Variants in ALOXE3 observed in about 807,000 individuals in gnomAD.
ALOXE3 encodes hydroperoxide isomerase ALOXE3.
Under a neutral mutation model 87.5 loss-of-function variants are expected in ALOXE3, and 78 were observed. The observed-to-expected ratio is 0.89, with a 90% CI of 0.74 to 1.08. The LOEUF (loss-of-function observed/expected upper bound fraction) is 1.08, where lower values mean the gene tolerates loss of function less well. Ranked by LOEUF, ALOXE3 falls within the 50% of genes least tolerant of loss-of-function variation. The pLI, the probability that ALOXE3 is intolerant of heterozygous loss-of-function variation, is 0.00. For synonymous variants in ALOXE3, 363 were observed against 370.8 expected (o/e 0.98, Z 0.24); for missense variants, 946 against 912.4 (o/e 1.04, Z -0.47).
At chr17:8,109,813 G>A in intron 11 of ALOXE3, 103 bp downstream of exon 11, 1 of 1,204,372 alleles carries the variant, frequency 8.3e-7, no homozygotes, top group Non-Finnish European at 1.2e-6. Context: ...CACACCCCAG[G>A]TGTCCTCACA....
intron 11 of ALOXE3, 32 bp downstream of exon 11, chr17:8,109,884 C>T: frequency 1.9e-6 from 3 of 1,539,382 alleles, no homozygotes; most frequent in Non-Finnish European, 2.6e-6. Flanking sequence ...TCTTCGGGGG[C>T]GGAGATCAGT....
At chr17:8,112,810 A>C (rs774414517) in intron 6 of ALOXE3, among the ~76,000 whole-genome samples, 1 of 151,654 alleles carries the variant, frequency 6.6e-6, no homozygotes, top group African/African-American at 2.4e-5. Flanking sequence ...TTAAGATGGG[A>C]TCTCCCTGTG....
rs1420130397 is a variant in ALOXE3, at chr17:8,111,341, G to A, written c.957+18C>T. The A allele has an allele frequency of 6.2e-7, 1 of 1,612,208 alleles. No individual in the cohort carries two copies. The highest frequency in any genetic ancestry group is 2.2e-5 in the East Asian group (1 of 44,884). ...CCACCTCCCACCTATCAGGCCCACT[G>A]CCCAGATCCTTACCCACCTCTAGCT... On this transcript the variant is annotated intron_variant, in intron 8 of 15. Transcript: ENST00000448843.
intron 13 of ALOXE3, among the ~76,000 whole-genome samples, chr17:8,106,754 G>A (rs928554125): frequency 1.3e-5 from 2 of 152,112 alleles, no homozygotes; most frequent in African/African-American, 4.8e-5. Flanking sequence ...TGAACCGGGA[G>A]GTGGAGGTTA....
chr17:8,110,741 C>T (rs930555051), intron 8 of ALOXE3, among the ~76,000 whole-genome samples: 4 of 152,234 alleles, frequency 2.6e-5, no homozygotes, highest in Non-Finnish European at 4.4e-5. Context: ...TGTGCAACAG[C>T]TCGCCTGCTG....
At chr17:8,106,338 G>T (rs1176536333) in intron 13 of ALOXE3, among the ~76,000 whole-genome samples, 3 of 152,066 alleles carry the variant, frequency 2.0e-5, no homozygotes, top group African/African-American at 7.2e-5. Context: ...GGGAGTGTGT[G>T]GGAGTTTTCT....
intron 13 of ALOXE3, among the ~76,000 whole-genome samples, chr17:8,106,571 C>G (rs1383907521): frequency 6.6e-6 from 1 of 152,150 alleles, no homozygotes; most frequent in Non-Finnish European, 1.5e-5. Context: ...GACAGACCAT[C>G]TATAGGAACT....
At chr17:8,109,563 G>A (rs1979831494) in intron 11 of ALOXE3, among the ~76,000 whole-genome samples, 1 of 152,088 alleles carries the variant, frequency 6.6e-6, no homozygotes, top group African/African-American at 2.4e-5. Flanking sequence ...GTAACTAAAA[G>A]AATGAACTGA....
At chr17:8,113,995 A>T (rs7225873) in intron 6 of ALOXE3, among the ~76,000 whole-genome samples, 26,546 of 150,336 alleles carry the variant, frequency 0.18, 3,184 homozygotes, top group East Asian at 0.6. Context: ...ACTGCACTCC[A>T]GCCTGGGCGA....
chr17:8,104,314 G>A (rs1440029786), intron 13 of ALOXE3, 99 bp from the exon 14 acceptor site: 2 of 883,332 alleles, frequency 2.3e-6, no homozygotes, highest in African/African-American at 1.7e-5. Flanking sequence ...AAGTGAGGAA[G>A]TAGGGAACAC....
intron 12 of ALOXE3, 98 bp from the exon 13 acceptor site, chr17:8,108,687 T>C (rs1309288103): frequency 1.9e-6 from 3 of 1,540,932 alleles, no homozygotes; most frequent in South Asian, 1.1e-5. Flanking sequence ...GAGAGACAGA[T>C]AGCCATGGGG....
chr17:8,118,853 A>G, upstream of ALOXE3: 1 of 1,533,440 alleles, frequency 6.5e-7, no homozygotes, highest in Non-Finnish European at 8.7e-7. Flanking sequence ...CTGGGCCACT[A>G]GGGACTGGGG....
At chr17:8,111,246 A>T in intron 8 of ALOXE3, 113 bp downstream of exon 8, 1 of 1,339,544 alleles carries the variant, frequency 7.5e-7, no homozygotes, top group Non-Finnish European at 1.1e-6. Flanking sequence ...GATGAGGCCC[A>T]CAGGTGAAAT....
intron 13 of ALOXE3, among the ~76,000 whole-genome samples, chr17:8,106,405 A>T (rs929905845): frequency 6.6e-6 from 1 of 152,104 alleles, no homozygotes; most frequent in Non-Finnish European, 1.5e-5. Flanking sequence ...AAAAAAGTAA[A>T]GCAGGCAGAC....
chr17:8,118,518 T>A, upstream of ALOXE3: 1 of 1,536,666 alleles, frequency 6.5e-7, no homozygotes, highest in Non-Finnish European at 8.7e-7. Context: ...TCCGTGTGAA[T>A]CACTAAACAG....
rs764704802 is a variant in ALOXE3, at chr17:8,117,993, T to C, written c.-3A>G. On this transcript the variant is annotated 5_prime_UTR_variant, in exon 2 of 16. Coordinates refer to ENST00000448843, the MANE Select transcript of ALOXE3 (RefSeq NM_021628.3). ...ACACACAGGCGGTACACTGCCATGA[T>C]GGGAAGGAGGAAGGGATGCCCCGGC... 3.7e-6 allele frequency: 6 copies of C among 1,610,202 alleles called. No homozygotes were observed. In the East Asian group the frequency reaches 6.7e-5, roughly 18 times the overall value.
At chr17:8,107,851 A>C (rs867378192) in intron 13 of ALOXE3, among the ~76,000 whole-genome samples, 1 of 2,586 alleles carries the variant, frequency 3.9e-4, no homozygotes, top group South Asian at 0.014. Context: ...GAAAGAAAGA[A>C]AGAAAGAAAG....
In ALOXE3 at chr17:8,111,510, C is replaced by T; in HGVS notation, c.806G>A (p.Cys269Tyr). ...FTTKYVTEHW[C>Y]EDHFFGYQYL... is the part of the protein sequence containing the mutation. ...CTGGTACCCAAAGAAGTGATCTTCA[C>T]ACCAGTGCTCTGTGACATACTCTGG... The change falls in exon 8 of 16, where the codon TGT (cysteine) becomes TAT (tyrosine). Residue 269 changes from cysteine to tyrosine, a missense_variant. By Grantham distance (194) the Cys-to-Tyr change is radical (BLOSUM62 -2). Coordinates refer to ENST00000448843, the MANE Select transcript of ALOXE3 (RefSeq NM_021628.3). The T allele has an allele frequency of 1.2e-6, 2 of 1,614,216 alleles. No individual in the cohort carries two copies. The highest frequency in any genetic ancestry group is 4.5e-5 in the East Asian group (2 of 44,892).
At chr17:8,101,220 G>C (rs1030438665) in intron 15 of ALOXE3, among the ~76,000 whole-genome samples, 1 of 151,966 alleles carries the variant, frequency 6.6e-6, no homozygotes, top group Non-Finnish European at 1.5e-5. Context: ...AGAGATGGGG[G>C]TTTCACCATG....
Sources: allele counts gnomAD v4.1 joint callset (sites outside exome capture counted in the v4.1 genomes callset), GRCh38; gene constraint gnomAD v4.1.1; transcripts MANE v1.5; gene names NCBI Gene and HGNC (gene_info 2026-07-23, HGNC 2026-07-21).